The following RHD variants were observed in gnomAD, a reference collection of about 807,000 sequenced individuals.
RHD encodes the protein Rh blood group D antigen.
Under a neutral mutation model 45.5 loss-of-function variants are expected in RHD, and 16 were observed. That is an observed-to-expected ratio of 0.35 (90% CI 0.24 to 0.53). The LOEUF (loss-of-function observed/expected upper bound fraction) is 0.53. Ranked by LOEUF, RHD falls within the 20% of genes least tolerant of loss-of-function variation. RHD has a pLI of 0.92. For missense variants in RHD, 306 were observed against 532.0 expected (o/e 0.58, Z 4.18); for synonymous variants, 131 against 217.5 (o/e 0.60, Z 3.50).
At chr1:25,282,380 C>T (rs1220999012) in intron 1 of RHD, among the ~76,000 whole-genome samples, 1 of 131,002 alleles carries the variant, frequency 7.6e-6, no homozygotes, top group African/African-American at 2.6e-5. Context: ...TTACAGGTGC[C>T]CACCACCACA....
intron 1 of RHD, among the ~76,000 whole-genome samples, chr1:25,281,136 G>C (rs560663455): frequency 1.5e-5 from 2 of 132,766 alleles, no homozygotes; most frequent in African/African-American, 5.2e-5. Context: ...GAAAGAGCTA[G>C]AGACAGCCTA....
rs752558402 is a variant in RHD, at chr1:25,301,619, T to G, written c.734T>G (p.Val245Gly). 7 of 1,380,274 alleles carry G rather than the reference T, an allele frequency of 5.1e-6. 2 individuals are homozygous for G. In the Admixed American group the frequency reaches 1.2e-4, roughly 24 times the overall value. 85.5% of individuals were successfully genotyped at this position (1,380,274 alleles called of 1,614,324 possible). ...GCCGTGTTCAACACCTACTATGCTGTAGCAGTCAGCGTGGTGACAGCCATC... is the reference window on the plus strand; with the variant it reads ...GCCGTGTTCAACACCTACTATGCTGGAGCAGTCAGCGTGGTGACAGCCATC... Reference protein sequence around the residue: ...KNAVFNTYYAVAVSVVTAISG... With the variant: ...KNAVFNTYYAGAVSVVTAISG... The change falls in exon 5 of 10, where the codon GTA becomes GGA. Residue 245 changes from valine to glycine, a missense_variant. Transcript: ENST00000328664.
In RHD at chr1:25,290,122, CG is replaced by C. The variant is rs1451251928; in HGVS notation, c.336-516del. 1.6e-5 allele frequency among the ~76,000 whole-genome samples: 2 copies of C among 128,082 alleles called. 1 individual carries two copies. The highest frequency in any genetic ancestry group is 3.7e-5 in the Non-Finnish European group (2 of 54,596). The allele number at this position is 128,082 out of a possible 152,430, so 84.0% of individuals were successfully genotyped here. A position where few individuals can be genotyped will look rare whatever the true frequency, so the allele number is the denominator to read the frequency against. ...CAGTGGCAAGGCTGGGACTGGAAGC[CG>C]GGCTTGTCCTGATTCCAAATCCAGT... On this transcript the variant is annotated intron_variant, in intron 2 of 9. Transcript: ENST00000328664.
intron 1 of RHD, among the ~76,000 whole-genome samples, chr1:25,277,686 T>G (rs1416353468): frequency 7.8e-6 from 1 of 128,204 alleles, no homozygotes; most frequent in Non-Finnish European, 1.8e-5. Context: ...ATCAAAAGCT[T>G]TTTTTTTGAG....
intron 7 of RHD, among the ~76,000 whole-genome samples, chr1:25,311,578 A>G (rs1644151708): frequency 7.7e-6 from 1 of 130,422 alleles, no homozygotes; most frequent in Non-Finnish European, 1.8e-5. Context: ...ACAAAGCCAG[A>G]GGCTGTTCAT....
At chr1:25,280,804 T>C (rs1182750798) in intron 1 of RHD, among the ~76,000 whole-genome samples, 2 of 130,904 alleles carry the variant, frequency 1.5e-5, no homozygotes, top group African/African-American at 5.2e-5. Context: ...AGAGACAAGG[T>C]CTTGCTATGT....
In RHD at chr1:25,306,846, C is replaced by T. The variant is rs751646558; in HGVS notation, c.1073+117C>T. 37 of 985,252 alleles carry T rather than the reference C, an allele frequency of 3.8e-5. 6 individuals carry two copies. The highest frequency in any genetic ancestry group is 5.4e-5 in the Non-Finnish European group (34 of 629,420). The allele number at this position is 985,252 out of a possible 1,614,324, so 61.0% of individuals were successfully genotyped here. On this transcript the variant is annotated intron_variant, in intron 7 of 9. Transcript: ENST00000328664. ...TCGGGGCCAGGTGCTCAGTAGGCTT[C>T]GGTGAATATTTGTTGGCTGATTTAT...
At chr1:25,316,617 AG>A (rs1269921096) in intron 7 of RHD, among the ~76,000 whole-genome samples, 1,381 of 98,602 alleles carry the variant, frequency 0.014, 143 homozygotes, top group African/African-American at 0.043. Context: ...AAACAAAAAC[AG>A]AAAAAAAAAA....
chr1:25,318,556 C>A lies in RHD; in HGVS notation c.1153+1477C>A. 1.5e-5 allele frequency among the ~76,000 whole-genome samples: 2 copies of A among 131,324 alleles called. 1 individual carries two copies. The allele number at this position is 131,324 out of a possible 152,430, so 86.2% of individuals were successfully genotyped here. A position where few individuals can be genotyped will look rare whatever the true frequency, so the allele number is the denominator to read the frequency against. On this transcript the variant is annotated intron_variant, in intron 8 of 9. Transcript: ENST00000328664. Reference sequence around the variant, plus strand: ...TGAGTCGAGGTTGCACCACTGCCCTCCAGCCTAGGTGACAGAGTGAGACTG... The same window carrying A: ...TGAGTCGAGGTTGCACCACTGCCCTACAGCCTAGGTGACAGAGTGAGACTG...
Position 25,330,300 on chromosome 1 carries a change from C to T in RHD, c.*1376C>T, listed in dbSNP as rs1644974920. The T allele has an allele frequency of 7.5e-6, 1 of 132,842 alleles. No individual in the cohort carries two copies. Among genetic ancestry groups the T allele is most frequent in the Non-Finnish European group, 1.8e-5 (1 of 55,960 alleles). 8.2% of individuals were successfully genotyped at this position (132,842 alleles called of 1,614,324 possible). On this transcript the variant is annotated 3_prime_UTR_variant, in exon 10 of 10. Transcript: ENST00000328664. ...CCATTGCTTAAGAAACACATAAACA[C>T]CATTTAGTCACTGAACATAGCTATA... is the stretch of plus-strand genomic sequence containing the variant.
intron 9 of RHD, among the ~76,000 whole-genome samples, chr1:25,322,565 C>G (rs1644772781): frequency 7.6e-6 from 1 of 132,148 alleles, no homozygotes; most frequent in East Asian, 2.0e-4. Flanking sequence ...CCCAGTTACT[C>G]AGGAGGCTGA....
At position 25,273,303 on chromosome 1, in the gene RHD, T is replaced by A. The variant is rs1189837130; in HGVS notation, c.148+608T>A. Among the ~76,000 whole-genome samples, 2 of 81,790 alleles carry A rather than the reference T, an allele frequency of 2.4e-5. 1 individual carries two copies. Among genetic ancestry groups the A allele is most frequent in the Admixed American group, 2.3e-4 (2 of 8,634 alleles). The allele number at this position is 81,790 out of a possible 152,430, so 53.7% of individuals were successfully genotyped here. ...GGAGGGCACCACCATGCCTGGCTAA[T>A]TTTTTTTTTTTTTTTTTTTGGTAGA... is the stretch of plus-strand genomic sequence containing the variant. On this transcript the variant is annotated intron_variant, in intron 1 of 9. Transcript: ENST00000328664.
At chr1:25,286,449 A>C (rs1374003433) in intron 2 of RHD, among the ~76,000 whole-genome samples, 2 of 134,888 alleles carry the variant, frequency 1.5e-5, no homozygotes, top group African/African-American at 5.1e-5. Context: ...TGATCGTGCC[A>C]CTTCACTCCA....
chr1:25,295,478 A>AG (rs1197976877), intron 3 of RHD, among the ~76,000 whole-genome samples: 1 of 101,828 alleles, frequency 9.8e-6, no homozygotes, highest in African/African-American at 3.4e-5. Flanking sequence ...AGGCAATTTA[A>AG]GGAAGTGAGC....
At chr1:25,319,500 T>C (rs1012708946) in intron 8 of RHD, among the ~76,000 whole-genome samples, 1 of 131,854 alleles carries the variant, frequency 7.6e-6, no homozygotes, top group African/African-American at 2.6e-5. Flanking sequence ...TCCCAGCTGC[T>C]CTGGAGGCTG....
chr1:25,322,145 G>A (rs1455805019), intron 9 of RHD, among the ~76,000 whole-genome samples, 183 bp downstream of exon 9: 4 of 131,250 alleles, frequency 3.0e-5, no homozygotes, highest in Non-Finnish European at 5.4e-5. Context: ...GGAGGGTGGC[G>A]GGGAGGTGGT....
rs752408858 is a variant in RHD, at chr1:25,290,670, C to G, written c.365C>G (p.Ser122Trp). Residue 122 changes from serine to tryptophan, a missense_variant, in exon 3 of 10, where the codon TCG (serine) becomes TGG (tryptophan). Transcript: ENST00000328664. ...CGGCTGGCCACCATGAGTGCTTTGT[C>G]GGTGCTGATCTCAGTGGATGCTGTC... is the stretch of plus-strand genomic sequence containing the variant. ...SIRLATMSAL[S>W]VLISVDAVLG... 7.3e-7 allele frequency: 1 copy of G among 1,378,274 alleles called. No individual in the cohort carries two copies. Among genetic ancestry groups the G allele is most frequent in the Non-Finnish European group, 1.0e-6 (1 of 978,300 alleles). 85.4% of individuals were successfully genotyped at this position (1,378,274 alleles called of 1,614,324 possible).
At chr1:25,274,433 T>C (rs567277337) in intron 1 of RHD, among the ~76,000 whole-genome samples, 3 of 132,388 alleles carry the variant, frequency 2.3e-5, no homozygotes, top group Admixed American at 7.3e-5. Flanking sequence ...CTAGGGTCCA[T>C]GTTCTTTACC....
chr1:25,314,480 T>G (rs1159777505), intron 7 of RHD, among the ~76,000 whole-genome samples: 1 of 132,372 alleles, frequency 7.6e-6, no homozygotes, highest in South Asian at 2.3e-4. Flanking sequence ...TCCCACTTTG[T>G]GCGTTACCTT....
Sources: allele counts gnomAD v4.1 joint callset (sites outside exome capture counted in the v4.1 genomes callset), GRCh38; gene constraint gnomAD v4.1.1; transcripts MANE v1.5; gene names NCBI Gene and HGNC (gene_info 2026-07-23, HGNC 2026-07-21).